Variants in EYS observed in about 807,000 individuals in gnomAD.
EYS encodes EGF-like photoreceptor maintenance factor.
Under a neutral mutation model 282.1 loss-of-function variants are expected in EYS, and 250 were observed. The observed-to-expected ratio is 0.89, with a 90% CI of 0.80 to 0.98. The LOEUF is 0.98. Ranked by LOEUF, EYS falls within the 50% of genes least tolerant of loss-of-function variation. The pLI is 0.00. For missense variants in EYS, 4,016 were observed against 3,709.0 expected, an observed-to-expected ratio of 1.08 and a Z score of -2.15; for synonymous variants, 1,355 against 1,282.9, an observed-to-expected ratio of 1.06 and a Z score of -1.20.
chr6:65,467,695 T>A (rs1765056339), intron 5 of EYS, among the ~76,000 whole-genome samples: 1 of 152,136 alleles, frequency 6.6e-6, no homozygotes. Context: ...TTAAATTATA[T>A]ATTTAATAAT....
At chr6:63,984,731 G>C in intron 34 of EYS, 128 bp from the exon 35 acceptor site, 1 of 756,590 alleles carries the variant, frequency 1.3e-6, no homozygotes, top group Non-Finnish European at 2.1e-6. Context: ...GGTTGCTATT[G>C]TTGGCTAGTT....
intron 36 of EYS, among the ~76,000 whole-genome samples, chr6:63,843,499 G>C (rs1772017746): frequency 6.6e-6 from 1 of 151,958 alleles, no homozygotes; most frequent in East Asian, 1.9e-4. Flanking sequence ...ACAGAGTTTT[G>C]GGGCTTATTA....
At chr6:64,336,341 G>A (rs1347057791) in intron 29 of EYS, among the ~76,000 whole-genome samples, 3 of 152,040 alleles carry the variant, frequency 2.0e-5, no homozygotes, top group Non-Finnish European at 2.9e-5. Flanking sequence ...TCTTATAACA[G>A]AGAAAACAAA....
chr6:64,747,782 C>G (rs2149966619), intron 22 of EYS, among the ~76,000 whole-genome samples: 1 of 152,308 alleles, frequency 6.6e-6, no homozygotes, highest in East Asian at 1.9e-4. Flanking sequence ...ATTGAAAATT[C>G]TGGTTCTTTA....
intron 2 of EYS, among the ~76,000 whole-genome samples, chr6:65,585,495 A>T (rs1765014148): frequency 6.6e-6 from 1 of 151,952 alleles, no homozygotes; most frequent in African/African-American, 2.4e-5. Context: ...AAATATTTTT[A>T]AAATAAACTG....
At chr6:64,104,539 T>G (rs1772940421) in intron 31 of EYS, among the ~76,000 whole-genome samples, 1 of 152,110 alleles carries the variant, frequency 6.6e-6, no homozygotes, top group Non-Finnish European at 1.5e-5. Flanking sequence ...GTAGGTGCCT[T>G]GAATATGGGA....
intron 35 of EYS, among the ~76,000 whole-genome samples, chr6:63,905,498 T>G (rs1263531944): frequency 1.3e-5 from 2 of 151,782 alleles, no homozygotes; most frequent in East Asian, 3.9e-4. Flanking sequence ...CCCGGCTAAT[T>G]TTTTGTATTT....
At chr6:65,652,470 T>C (rs1040336875) in intron 1 of EYS, among the ~76,000 whole-genome samples, 2 of 151,922 alleles carry the variant, frequency 1.3e-5, no homozygotes, top group African/African-American at 4.8e-5. Flanking sequence ...TGGCATTGGA[T>C]GGCTTGTTGG....
At chr6:64,009,019 G>A (rs1324553069) in intron 33 of EYS, among the ~76,000 whole-genome samples, 1 of 152,134 alleles carries the variant, frequency 6.6e-6, no homozygotes, top group Non-Finnish European at 1.5e-5. Flanking sequence ...CCTCTCTAGT[G>A]AGGTTGAGGA....
At chr6:64,055,947 G>T (rs1303616871) in intron 33 of EYS, among the ~76,000 whole-genome samples, 1 of 152,138 alleles carries the variant, frequency 6.6e-6, no homozygotes, top group Non-Finnish European at 1.5e-5. Flanking sequence ...GTAGCCATCA[G>T]CCTCAATCAG....
At chr6:64,923,936 A>T (rs1420464795) in intron 15 of EYS, among the ~76,000 whole-genome samples, 1 of 152,118 alleles carries the variant, frequency 6.6e-6, no homozygotes, top group Non-Finnish European at 1.5e-5. Context: ...CACATGGTGC[A>T]AGCTGTCAGA....
In EYS at chr6:64,279,518, G is replaced by A. The variant is rs576765124; in HGVS notation, c.6191+27452C>T. ...TTGTAAGGGTAAGGTGAAAATGATG[G>A]CTGTTGCCTTAGGAAAGACAGCAGG... On this transcript the variant is annotated intron_variant, in intron 30 of 42. Coordinates refer to ENST00000503581, the MANE Select transcript of EYS (RefSeq NM_001142800.2). 2.2e-4 allele frequency among the ~76,000 whole-genome samples: 33 copies of A among 152,190 alleles called. 1 individual carries two copies. In the South Asian group the frequency reaches 6.6e-3, roughly 31 times the overall value.
chr6:64,061,964 CA>C (rs35562314), intron 33 of EYS, among the ~76,000 whole-genome samples: 14,398 of 123,136 alleles, frequency 0.12, 1,120 homozygotes, highest in African/African-American at 0.26. Context: ...GAGACTCTTT[CA>C]AAAAAAAAAA....
intron 10 of EYS, 152 bp downstream of exon 10, chr6:65,343,886 G>T: frequency 1.5e-6 from 1 of 673,052 alleles, no homozygotes; most frequent in South Asian, 1.8e-5. Context: ...GTAGACTGTT[G>T]AGAATTTGTT....
At chr6:65,276,409 A>T (rs1582091477) in intron 12 of EYS, among the ~76,000 whole-genome samples, 1 of 151,756 alleles carries the variant, frequency 6.6e-6, no homozygotes, top group East Asian at 1.9e-4. Flanking sequence ...TTCCACCCAG[A>T]AAAGAAAAAA....
intron 35 of EYS, among the ~76,000 whole-genome samples, chr6:63,893,199 C>T (rs1331690748): frequency 6.6e-6 from 1 of 152,102 alleles, no homozygotes; most frequent in African/African-American, 2.4e-5. Flanking sequence ...CTAGAAATGC[C>T]ATTTGACCCA....
At chr6:64,886,909 A>G in intron 18 of EYS, 67 bp from the exon 19 acceptor site, 1 of 893,774 alleles carries the variant, frequency 1.1e-6, no homozygotes, top group South Asian at 2.1e-5. Flanking sequence ...TATATGATTC[A>G]TATTTATATT....
chr6:64,203,919 A>C (rs1462847144), intron 31 of EYS, among the ~76,000 whole-genome samples: 3 of 152,192 alleles, frequency 2.0e-5, no homozygotes, highest in Non-Finnish European at 4.4e-5. Context: ...TTCTATATTG[A>C]AGCCATAGTG....
chr6:65,077,551 C>T (rs1169390732), intron 12 of EYS, among the ~76,000 whole-genome samples: 3 of 152,000 alleles, frequency 2.0e-5, no homozygotes, highest in East Asian at 1.9e-4. Context: ...TTTTCTGAAA[C>T]GCTCAAACAG....
Sources: gnomAD v4.1 joint callset for allele counts (sites outside exome capture counted in the v4.1 genomes callset) on GRCh38, gnomAD v4.1.1 for gene constraint, MANE v1.5 for transcripts, NCBI Gene and HGNC (gene_info 2026-07-23, HGNC 2026-07-21) for gene names.